Variants in B4GALT5 observed in about 807,000 individuals in gnomAD.
The protein encoded by B4GALT5 is beta-1,4-galactosyltransferase 5, also known as UDP-Gal:beta-GlcNAc beta-1,4-galactosyltransferase 5.
Under a neutral mutation model 45.0 loss-of-function variants are expected in B4GALT5, and 11 were observed. The ratio of observed to expected loss-of-function variants is 0.24; its 90% CI spans 0.15 to 0.40. The LOEUF (loss-of-function observed/expected upper bound fraction) is 0.40, where lower values mean the gene tolerates loss of function less well. Among genes scored for constraint, B4GALT5 ranks in the 10% least tolerant of loss-of-function variants. The pLI is 1.00. For missense variants in B4GALT5, 337 were observed against 500.2 expected (o/e 0.67, Z 3.11); for synonymous variants, 185 against 182.9 (o/e 1.01, Z -0.09).
intron 3 of B4GALT5, among the ~76,000 whole-genome samples, chr20:49,643,922 C>CTTTTTTTTTTTTTTTTTTTTTTTTTTT (rs138727530): frequency 3.8e-5 from 2 of 52,184 alleles, no homozygotes; most frequent in African/African-American, 1.7e-4. Flanking sequence ...AGTAGCTGAG[C>CTTTTTTTTTTTTTTTTTTTTTTTTTTT]TTTTTTTTTT....
intron 1 of B4GALT5, among the ~76,000 whole-genome samples, chr20:49,659,790 C>T (rs2123022290): frequency 6.6e-6 from 1 of 151,890 alleles, no homozygotes; most frequent in African/African-American, 2.4e-5. Context: ...AAAATGTTTC[C>T]CAGTCACTTG....
chr20:49,653,544 TG>T (rs1194159454), intron 2 of B4GALT5, among the ~76,000 whole-genome samples: 5 of 152,272 alleles, frequency 3.3e-5, no homozygotes, highest in Non-Finnish European at 7.3e-5. Flanking sequence ...GCACAGGCCC[TG>T]GAGTCAGAGA....
chr20:49,701,429 C>T (rs769387734), intron 1 of B4GALT5, among the ~76,000 whole-genome samples: 7 of 151,906 alleles, frequency 4.6e-5, no homozygotes, highest in Non-Finnish European at 7.4e-5. Context: ...TTTTCTATTT[C>T]CTCATTCGTC....
At chr20:49,705,239 G>A (rs1439147129) in intron 1 of B4GALT5, among the ~76,000 whole-genome samples, 1 of 152,212 alleles carries the variant, frequency 6.6e-6, no homozygotes, top group African/African-American at 2.4e-5. Flanking sequence ...AAAAGCTGAA[G>A]TGTGAAGCCA....
At chr20:49,689,458 T>C (rs768456526) in intron 1 of B4GALT5, among the ~76,000 whole-genome samples, 7 of 152,216 alleles carry the variant, frequency 4.6e-5, no homozygotes, top group Non-Finnish European at 7.3e-5. Flanking sequence ...TAATCACCGA[T>C]GTGAAAATTT....
chr20:49,641,040 G>A (rs1433333657), intron 5 of B4GALT5, among the ~76,000 whole-genome samples: 7 of 152,278 alleles, frequency 4.6e-5, no homozygotes, highest in East Asian at 3.9e-4. Context: ...GCTTGAACCC[G>A]GGAGGCGGAG....
chr20:49,683,532 T>G (rs1305607419), intron 1 of B4GALT5, among the ~76,000 whole-genome samples: 1 of 151,836 alleles, frequency 6.6e-6, no homozygotes. Context: ...TAGCTGAGAT[T>G]ACAGGCACCC....
At chr20:49,687,892 A>T (rs75252832) in intron 1 of B4GALT5, among the ~76,000 whole-genome samples, 57 of 150,094 alleles carry the variant, frequency 3.8e-4, no homozygotes, top group Admixed American at 2.4e-3. Context: ...AAAAAAAAAA[A>T]TTTTTTTTTT....
chr20:49,645,102 C>T (rs1384805503), intron 3 of B4GALT5, among the ~76,000 whole-genome samples: 1 of 152,166 alleles, frequency 6.6e-6, no homozygotes, highest in African/African-American at 2.4e-5. Flanking sequence ...CCAAGCAAGG[C>T]ATGGTGGCTC....
At position 49,713,583 on chromosome 20, in the gene B4GALT5, G is replaced by A. The variant is rs2085930295; in HGVS notation, c.108C>T (p.Pro36=). ...SSLLYFVYVA[P]GIVNTYLFMM... ...CCCAAGCCCCCTTCCTACCTATGCCGGGCGCCACATAGACGAAGTACAGCA... is the reference window on the plus strand; with the variant it reads ...CCCAAGCCCCCTTCCTACCTATGCCAGGCGCCACATAGACGAAGTACAGCA... Residue 36 remains proline, a synonymous_variant, in exon 1 of 9, where the codon CCC becomes CCT. Transcript: ENST00000371711. 1.3e-6 allele frequency: 2 copies of A among 1,582,490 alleles called. No individual in the cohort carries two copies. Among genetic ancestry groups the A allele is most frequent in the African/African-American group, 1.4e-5 (1 of 74,020 alleles).
chr20:49,696,565 T>C (rs2085840370), intron 1 of B4GALT5, among the ~76,000 whole-genome samples: 1 of 152,230 alleles, frequency 6.6e-6, no homozygotes, highest in Admixed American at 6.5e-5. Flanking sequence ...AAAGATCTTA[T>C]AGCAAAGAGA....
chr20:49,700,412 T>A (rs1296109219), intron 1 of B4GALT5, among the ~76,000 whole-genome samples: 1 of 152,174 alleles, frequency 6.6e-6, no homozygotes. Flanking sequence ...CCCAGGCTCA[T>A]GCGATCCCAA....
intron 1 of B4GALT5, among the ~76,000 whole-genome samples, chr20:49,711,266 C>T (rs976447913): frequency 1.3e-5 from 2 of 152,052 alleles, no homozygotes; most frequent in Non-Finnish European, 2.9e-5. Flanking sequence ...TTTCAGCTAT[C>T]AGTGATATAG....
intron 1 of B4GALT5, among the ~76,000 whole-genome samples, chr20:49,677,677 T>C (rs2085744309): frequency 6.6e-6 from 1 of 152,160 alleles, no homozygotes; most frequent in Non-Finnish European, 1.5e-5. Flanking sequence ...CAATATAAAA[T>C]AAGGATCGTA....
intron 1 of B4GALT5, among the ~76,000 whole-genome samples, chr20:49,670,824 T>C (rs1378330192): frequency 2.6e-5 from 4 of 152,048 alleles, no homozygotes; most frequent in Admixed American, 6.5e-5. Flanking sequence ...TCTAGAGAGG[T>C]TGGCAATACA....
intron 8 of B4GALT5, 35 bp from the exon 9 acceptor site, chr20:49,636,494 G>A: frequency 1.2e-6 from 2 of 1,611,320 alleles, no homozygotes; most frequent in South Asian, 2.2e-5. Flanking sequence ...AGGTGGCTCT[G>A]AGTGAGGATC....
Position 49,713,602 on chromosome 20 carries a change from T to C in B4GALT5, c.89A>G (p.Tyr30Cys), listed in dbSNP as rs1157341980. The change falls in exon 1 of 9, where the codon TAC (tyrosine) becomes TGC (cysteine). Residue 30 changes from tyrosine (Y) to cysteine (C), a missense_variant. Physicochemically the swap from Tyr to Cys is radical, Grantham distance 194 (BLOSUM62 -2). Transcript: ENST00000371711. Reference sequence around the variant, plus strand: ...TATGCCGGGCGCCACATAGACGAAGTACAGCAGCGAGGACGAGAGAGAAAA... The same window carrying C: ...TATGCCGGGCGCCACATAGACGAAGCACAGCAGCGAGGACGAGAGAGAAAA... ...FFFSLSSSLL[Y>C]FVYVAPGIVN... 3 of 1,588,932 alleles carry C rather than the reference T, an allele frequency of 1.9e-6. No individual in the cohort carries two copies. The highest frequency in any genetic ancestry group is 2.7e-5 in the African/African-American group (2 of 73,424).
intron 1 of B4GALT5, among the ~76,000 whole-genome samples, chr20:49,668,447 A>G (rs1875566731): frequency 6.6e-6 from 1 of 152,118 alleles, no homozygotes; most frequent in Non-Finnish European, 1.5e-5. Context: ...TAGCATGACC[A>G]GTTATCAACC....
chr20:49,656,769 T>G, intron 1 of B4GALT5, 67 bp from the exon 2 acceptor site: 2 of 1,581,984 alleles, frequency 1.3e-6, no homozygotes, highest in Non-Finnish European at 1.7e-6. Context: ...ACATACCACA[T>G]AGCTATGGAT....
Sources: allele counts gnomAD v4.1 joint callset (sites outside exome capture counted in the v4.1 genomes callset), GRCh38; gene constraint gnomAD v4.1.1; transcripts MANE v1.5; gene names NCBI Gene and HGNC (gene_info 2026-07-23, HGNC 2026-07-21).